KIF19: variants seen among roughly 807,000 people sequenced by gnomAD.
The protein encoded by KIF19 is kinesin-like protein KIF19.
KIF19 carries 98 observed loss-of-function variants against 106.6 expected under a neutral mutation model. That is an observed-to-expected ratio of 0.92 (90% CI 0.78 to 1.09). The LOEUF is 1.09. Ranked by LOEUF, KIF19 falls within the 50% of genes least tolerant of loss-of-function variation. KIF19 has a pLI of 0.00. For synonymous variants in KIF19, 516 were observed against 584.2 expected, an observed-to-expected ratio of 0.88 and a Z score of 1.68; for missense variants, 1,373 against 1,414.3, an observed-to-expected ratio of 0.97 and a Z score of 0.47.
In KIF19 at chr17:74,341,953, G is replaced by GT; in HGVS notation, c.200dup (p.Asp68ArgfsTer5). 6.2e-7 allele frequency: 1 copy of GT among 1,613,480 alleles called. No individual in the cohort carries two copies. The highest frequency in any genetic ancestry group is 8.5e-7 in the Non-Finnish European group (1 of 1,179,788). On this transcript the variant is annotated frameshift_variant, in exon 3 of 20. Coordinates refer to ENST00000389916, the MANE Select transcript of KIF19 (RefSeq NM_153209.4). LOFTEE classifies it high-confidence loss of function. The stretch of plus-strand genomic sequence containing the variant: ...ATCGCTCCCGGGAGAAGTCCTACCT[G>GT]TTCGACGTGGCCTTTGACTTCACCG...
intron 2 of KIF19, among the ~76,000 whole-genome samples, chr17:74,332,311 T>G (rs779644655): frequency 2.0e-4 from 31 of 151,414 alleles, no homozygotes; most frequent in Non-Finnish European, 3.7e-4. Context: ...CCCTAACGTG[T>G]AAACACAGGA....
chr17:74,355,103 G>A, intron 19 of KIF19, 79 bp from the exon 20 acceptor site: 2 of 1,548,756 alleles, frequency 1.3e-6, no homozygotes, highest in Non-Finnish European at 1.8e-6. Context: ...CCCCTAGAGA[G>A]TTCAAGGCCA....
intron 9 of KIF19, among the ~76,000 whole-genome samples, 156 bp downstream of exon 9, chr17:74,348,055 A>T (rs1037874880): frequency 3.9e-5 from 6 of 151,926 alleles, no homozygotes; most frequent in African/African-American, 1.5e-4. Flanking sequence ...CTTTCCCTGC[A>T]CCTCCAAACC....
At chr17:74,326,510 G>A in intron 1 of KIF19, 122 bp downstream of exon 1, 1 of 878,604 alleles carries the variant, frequency 1.1e-6, no homozygotes, top group South Asian at 1.7e-5. Context: ...GACCAGGGCC[G>A]GGACTCTTCA....
At chr17:74,326,428 G>A in intron 1 of KIF19, 40 bp downstream of exon 1, 1 of 1,600,716 alleles carries the variant, frequency 6.2e-7, no homozygotes, top group Non-Finnish European at 8.5e-7. Flanking sequence ...CCCGCTCCGT[G>A]GTCTACTTCA....
At chr17:74,332,479 C>G (rs2054122858) in intron 2 of KIF19, among the ~76,000 whole-genome samples, 1 of 152,104 alleles carries the variant, frequency 6.6e-6, no homozygotes, top group Non-Finnish European at 1.5e-5. Flanking sequence ...CCTCCCAAAG[C>G]CTGCAGCCCA....
At chr17:74,347,213 G>A (rs1484136923) in intron 8 of KIF19, among the ~76,000 whole-genome samples, 1 of 152,060 alleles carries the variant, frequency 6.6e-6, no homozygotes, top group Non-Finnish European at 1.5e-5. Context: ...CCGGGGAGGT[G>A]GGGACAATTG....
chr17:74,333,889 C>T (rs1327478344), intron 2 of KIF19, among the ~76,000 whole-genome samples: 2 of 137,358 alleles, frequency 1.5e-5, no homozygotes, highest in African/African-American at 2.8e-5. Context: ...ATGGGGGTCT[C>T]ACTTTGTCAC....
At position 74,355,326 on chromosome 17, in the gene KIF19, G is replaced by A. The variant is rs777094802; in HGVS notation, c.*14G>A. ...CGGCATAACTGAGGGGCCCTGCCTGGAACTGGCTCTCTCACCTCCCAAGAC... is the reference window on the plus strand; with the variant it reads ...CGGCATAACTGAGGGGCCCTGCCTGAAACTGGCTCTCTCACCTCCCAAGAC... On this transcript the variant is annotated 3_prime_UTR_variant, in exon 20 of 20. Transcript: ENST00000389916. 2 of 1,596,440 alleles carry A rather than the reference G, an allele frequency of 1.3e-6. No individual in the cohort carries two copies. Among genetic ancestry groups the A allele is most frequent in the African/African-American group, 2.7e-5 (2 of 74,656 alleles).
chr17:74,349,239 T>C lies in KIF19; in HGVS notation c.1103T>C (p.Ile368Thr). The C allele has an allele frequency of 6.2e-7, 1 of 1,613,750 alleles. No individual in the cohort carries two copies. Among genetic ancestry groups the C allele is most frequent in the Non-Finnish European group, 8.5e-7 (1 of 1,179,864 alleles). Residue 368 changes from isoleucine (I) to threonine (T), a missense_variant, in exon 10 of 20, where the codon ATC becomes ACC. Physicochemically the swap from Ile to Thr is moderately conservative, Grantham distance 89. Around this residue, in one of 3 missense-constraint regions of KIF19, gnomAD observed 1,020 missense variants for 1,008.2 expected, o/e 1.01. Coordinates refer to ENST00000389916, the MANE Select transcript of KIF19 (RefSeq NM_153209.4). ...SYHIAQYTSI[I>T]ADLRGEIQRL... ...CACATCGCCCAGTACACCAGCATCA[T>C]CGCTGACCTGCGGGGCGAGATCCAG...
intron 2 of KIF19, among the ~76,000 whole-genome samples, chr17:74,338,115 G>T (rs2054266762): frequency 6.6e-6 from 1 of 152,226 alleles, no homozygotes; most frequent in Non-Finnish European, 1.5e-5. Context: ...ATGGGCATTG[G>T]TGCATGCCAC....
intron 7 of KIF19, among the ~76,000 whole-genome samples, 190 bp downstream of exon 7, chr17:74,345,145 A>AG (rs2054500981): frequency 1.3e-5 from 2 of 151,540 alleles, no homozygotes; most frequent in Admixed American, 1.3e-4. Context: ...AGCGAGGTGG[A>AG]GGGGATGAGT....
chr17:74,339,448 C>T (rs543354691), intron 2 of KIF19, among the ~76,000 whole-genome samples: 2 of 151,196 alleles, frequency 1.3e-5, no homozygotes, highest in South Asian at 4.2e-4. Flanking sequence ...CTACCTCCCT[C>T]GCCACCTTCC....
intron 12 of KIF19, chr17:74,351,346 A>ATT (rs4007909): frequency 0.013 from 2,289 of 174,200 alleles, 71 homozygotes; most frequent in African/African-American, 0.053. Flanking sequence ...AAAAAAAAAA[A>ATT]GCCTAGTGTG....
In KIF19 at chr17:74,355,256, C is replaced by A; in HGVS notation, c.2941C>A (p.Arg981Ser). 1 of 1,612,814 alleles carries A rather than the reference C, an allele frequency of 6.2e-7. No individual in the cohort carries two copies. Among genetic ancestry groups the A allele is most frequent in the Non-Finnish European group, 8.5e-7 (1 of 1,179,658 alleles). Reference sequence around the variant, plus strand: ...TTCTCGACGGGCTACCCGTGGGCCCCGCCTGCCCCACGGCACAAGCACCCA... The same window carrying A: ...TTCTCGACGGGCTACCCGTGGGCCCAGCCTGCCCCACGGCACAAGCACCCA... ...GGSRRATRGP[R>S]LPHGTSTHGK... The change falls in exon 20 of 20, where the codon CGC becomes AGC. Residue 981 changes from arginine to serine, a missense_variant. Coordinates refer to ENST00000389916, the MANE Select transcript of KIF19 (RefSeq NM_153209.4).
intron 8 of KIF19, among the ~76,000 whole-genome samples, chr17:74,347,566 G>T (rs377142336): frequency 6.6e-6 from 1 of 151,756 alleles, no homozygotes; most frequent in African/African-American, 2.4e-5. Context: ...CTAAAGAGGT[G>T]AATGAGCTTT....
At chr17:74,347,303 G>A (rs762549476) in intron 8 of KIF19, among the ~76,000 whole-genome samples, 30 of 152,280 alleles carry the variant, frequency 2.0e-4, no homozygotes, top group Non-Finnish European at 3.5e-4. Context: ...TTGGGAGGCC[G>A]AGGCAGGTGG....
intron 8 of KIF19, among the ~76,000 whole-genome samples, chr17:74,347,161 C>A (rs2054555242): frequency 6.6e-6 from 1 of 152,164 alleles, no homozygotes; most frequent in African/African-American, 2.4e-5. Context: ...TCACCGCTTA[C>A]TTAACATTGC....
chr17:74,339,700 C>T (rs1333391576), intron 2 of KIF19, among the ~76,000 whole-genome samples: 1 of 152,210 alleles, frequency 6.6e-6, no homozygotes, highest in Non-Finnish European at 1.5e-5. Context: ...GGTGGTGGCT[C>T]ATTTTCCCCT....
Sources: gnomAD v4.1 joint callset for allele counts (sites outside exome capture counted in the v4.1 genomes callset) on GRCh38, gnomAD v4.1.1 for gene constraint, gnomAD v4.1.1 regional missense constraint, MANE v1.5 for transcripts, NCBI Gene and HGNC (gene_info 2026-07-23, HGNC 2026-07-21) for gene names.